Variants in PKP4 observed in about 807,000 individuals in gnomAD.
PKP4 encodes the protein plakophilin 4.
Under a neutral mutation model 145.1 loss-of-function variants are expected in PKP4, and 90 were observed. The observed-to-expected ratio is 0.62, with a 90% CI of 0.52 to 0.74. PKP4 has a LOEUF of 0.74. Among genes scored for constraint, PKP4 ranks in the 30% least tolerant of loss-of-function variants. The pLI, the probability that PKP4 is intolerant of heterozygous loss-of-function variation, is 0.00. For synonymous variants in PKP4, 563 were observed against 577.2 expected (o/e 0.98, Z 0.35); for missense variants, 1,340 against 1,482.7 (o/e 0.90, Z 1.58).
chr2:158,585,918 C>A (rs2048763403), intron 3 of PKP4, among the ~76,000 whole-genome samples: 2 of 149,294 alleles, frequency 1.3e-5, no homozygotes, highest in Admixed American at 6.7e-5. Flanking sequence ...CCTCTAGCCT[C>A]CCCCTTTTTT....
rs1168491336 is a variant in PKP4, at chr2:158,642,661, G to A, written c.1871G>A (p.Arg624Lys). 1 of 1,610,678 alleles carries A rather than the reference G, an allele frequency of 6.2e-7. No homozygotes were observed. The highest frequency in any genetic ancestry group is 1.1e-5 in the South Asian group (1 of 90,626). Residue 624 changes from arginine to lysine, a missense_variant, in exon 11 of 22, where the codon AGA (arginine) becomes AAA (lysine). Transcript: ENST00000389759. ...GGIPALLRLLRKSIDAEVREL... is the reference protein window; with the variant it reads ...GGIPALLRLLKKSIDAEVREL... ...ATACCTGCCTTGTTGCGACTGTTGA[G>A]AAAATCTATTGATGCAGAAGTAAGG...
intron 20 of PKP4, among the ~76,000 whole-genome samples, chr2:158,677,664 G>GTCT (rs2058124626): frequency 6.6e-6 from 1 of 152,186 alleles, no homozygotes. Flanking sequence ...TTGTACTGTT[G>GTCT]TCTTTGAAAT....
intron 2 of PKP4, chr2:158,533,646 G>A (rs2043780476): frequency 2.7e-6 from 1 of 373,402 alleles, no homozygotes; most frequent in Non-Finnish European, 5.3e-6. Flanking sequence ...TTTTCTATCA[G>A]GACTCTGGCA....
At chr2:158,598,542 C>T (rs1036623957) in intron 3 of PKP4, among the ~76,000 whole-genome samples, 4 of 151,956 alleles carry the variant, frequency 2.6e-5, no homozygotes, top group Admixed American at 6.6e-5. Context: ...CTGAGGCGGG[C>T]GGATCACGAG....
chr2:158,583,762 G>T (rs577315075), intron 3 of PKP4, among the ~76,000 whole-genome samples: 3 of 152,204 alleles, frequency 2.0e-5, no homozygotes, highest in African/African-American at 7.2e-5. Context: ...CCCCACAGGT[G>T]ACTTTTTATC....
intron 4 of PKP4, among the ~76,000 whole-genome samples, chr2:158,608,718 A>G (rs917110926): frequency 7.9e-5 from 12 of 152,046 alleles, no homozygotes; most frequent in African/African-American, 2.9e-4. Context: ...TATGACATTT[A>G]AATTGTAACC....
chr2:158,645,575 G>A (rs748461786), intron 11 of PKP4, among the ~76,000 whole-genome samples: 7 of 152,156 alleles, frequency 4.6e-5, no homozygotes, highest in East Asian at 1.9e-4. Context: ...CATCGTGTGC[G>A]CTACTCCCTG....
At chr2:158,563,477 G>A (rs986388793) in intron 2 of PKP4, among the ~76,000 whole-genome samples, 1 of 151,948 alleles carries the variant, frequency 6.6e-6, no homozygotes, top group African/African-American at 2.4e-5. Flanking sequence ...TTATTTTCCT[G>A]CATAATCTTT....
At position 158,492,341 on chromosome 2, in the gene PKP4, C is replaced by T. The variant is rs77322604; in HGVS notation, c.-6+35123C>T. 1.4e-3 allele frequency among the ~76,000 whole-genome samples: 219 copies of T among 152,242 alleles called. 1 individual carries two copies. Among genetic ancestry groups the T allele is most frequent in the Non-Finnish European group, 2.6e-3 (175 of 68,012 alleles). ...TAAGAAACCGAAAAAGCAAGTTATG[C>T]GAAGTTAATTTTTTTTAGCTGAGGA... is the stretch of plus-strand genomic sequence containing the variant. On this transcript the variant is annotated intron_variant, in intron 1 of 21. Coordinates refer to ENST00000389759, the MANE Select transcript of PKP4 (RefSeq NM_003628.6).
intron 3 of PKP4, among the ~76,000 whole-genome samples, chr2:158,599,003 G>T (rs972135383): frequency 6.6e-6 from 1 of 152,142 alleles, no homozygotes; most frequent in African/African-American, 2.4e-5. Flanking sequence ...AGTTAGAAAT[G>T]CTTCAGATGT....
intron 1 of PKP4, among the ~76,000 whole-genome samples, chr2:158,476,796 A>G (rs541469614): frequency 1.3e-5 from 2 of 152,326 alleles, no homozygotes; most frequent in Non-Finnish European, 2.9e-5. Flanking sequence ...GAAGAAAGTA[A>G]AACCCGAGTA....
chr2:158,533,235 C>G lies in PKP4; in HGVS notation c.51C>G (p.Thr17=). ...ASLVEEGQPQ[T]RQEAASTGPG... is the part of the protein sequence containing the mutation. Reference sequence around the variant, plus strand: ...TGGTGGAGGAGGGGCAACCACAGACCCGCCAGGAAGCTGCCTCCACTGGCC... The same window carrying G: ...TGGTGGAGGAGGGGCAACCACAGACGCGCCAGGAAGCTGCCTCCACTGGCC... Residue 17 remains threonine, a synonymous_variant, in exon 2 of 22, where the codon ACC becomes ACG. Coordinates refer to ENST00000389759, the MANE Select transcript of PKP4 (RefSeq NM_003628.6). 6.2e-7 allele frequency: 1 copy of G among 1,613,900 alleles called. No homozygotes were observed. The highest frequency in any genetic ancestry group is 8.5e-7 in the Non-Finnish European group (1 of 1,180,002).
intron 1 of PKP4, among the ~76,000 whole-genome samples, chr2:158,530,919 T>G (rs890520710): frequency 6.6e-6 from 1 of 152,218 alleles, no homozygotes; most frequent in Non-Finnish European, 1.5e-5. Flanking sequence ...TACACAGTTA[T>G]AAGCTCTCTG....
chr2:158,502,782 T>C (rs949317745), intron 1 of PKP4, among the ~76,000 whole-genome samples: 2 of 152,264 alleles, frequency 1.3e-5, no homozygotes, highest in Non-Finnish European at 2.9e-5. Flanking sequence ...TGATGCAGAA[T>C]ATTTGTTTAC....
intron 1 of PKP4, among the ~76,000 whole-genome samples, chr2:158,463,926 C>A (rs1690182042): frequency 6.6e-6 from 1 of 152,124 alleles, no homozygotes; most frequent in South Asian, 2.1e-4. Context: ...GAGTGAGGAT[C>A]CCTGGGGCCC....
chr2:158,668,266 T>C (rs2057282508), intron 16 of PKP4, among the ~76,000 whole-genome samples: 1 of 151,934 alleles, frequency 6.6e-6, no homozygotes. Context: ...GAGATCTGCC[T>C]CACTCTTGGA....
At chr2:158,473,112 C>T (rs1483331670) in intron 1 of PKP4, among the ~76,000 whole-genome samples, 1 of 152,160 alleles carries the variant, frequency 6.6e-6, no homozygotes, top group Non-Finnish European at 1.5e-5. Context: ...AATGAGATAC[C>T]ATTTCACACC....
intron 19 of PKP4, 32 bp from the exon 20 acceptor site, chr2:158,676,707 C>A (rs375298058): frequency 1.4e-5 from 22 of 1,613,564 alleles, no homozygotes; most frequent in Non-Finnish European, 1.6e-5. Context: ...CTTTCTACCC[C>A]TCTTTCTCTC....
In PKP4 at chr2:158,621,322, C is replaced by T. The variant is rs764802323; in HGVS notation, c.504C>T (p.Asn168=). ...QEAGSFHNSQ[N]VSKADNRQQH... ...CAGGGAGTTTCCACAACAGCCAGAA[C>T]GTGAGCAAGGCAGACAACAGACAGC... The change falls in exon 6 of 22, where the codon AAC becomes AAT. Residue 168 remains asparagine, a synonymous_variant. Coordinates refer to ENST00000389759, the MANE Select transcript of PKP4 (RefSeq NM_003628.6). 14 of 1,613,934 alleles carry T rather than the reference C, an allele frequency of 8.7e-6. No individual in the cohort carries two copies. Among genetic ancestry groups the T allele is most frequent in the South Asian group, 3.3e-5 (3 of 91,088 alleles).
Sources: allele counts gnomAD v4.1 joint callset (sites outside exome capture counted in the v4.1 genomes callset), GRCh38; gene constraint gnomAD v4.1.1; transcripts MANE v1.5; gene names NCBI Gene and HGNC (gene_info 2026-07-23, HGNC 2026-07-21).